GPC5: variants seen among roughly 807,000 people sequenced by gnomAD.
GPC5 encodes the protein glypican-5.
In GPC5, 47 loss-of-function variants were observed where a neutral mutation model predicts 53.9. The observed-to-expected ratio is 0.87, with a 90% CI of 0.69 to 1.11. The LOEUF is 1.11. Among genes scored for constraint, GPC5 ranks in the 50% most tolerant of loss-of-function variants. The pLI is 0.00. For synonymous variants in GPC5, 286 were observed against 263.3 expected (o/e 1.09, Z -0.84); for missense variants, 748 against 713.1 (o/e 1.05, Z -0.56).
chr13:91,626,587 A>T (rs1379005575), intron 2 of GPC5, among the ~76,000 whole-genome samples: 1 of 152,106 alleles, frequency 6.6e-6, no homozygotes, highest in Non-Finnish European at 1.5e-5. Flanking sequence ...CTGGCGGTCG[A>T]TATCACATGA....
intron 7 of GPC5, among the ~76,000 whole-genome samples, chr13:92,789,782 G>T (rs957552384): frequency 6.6e-6 from 1 of 152,098 alleles, no homozygotes; most frequent in Non-Finnish European, 1.5e-5. Context: ...ATGTATATAT[G>T]AAAGGGAATT....
chr13:92,825,404 T>C (rs754814137), intron 7 of GPC5, among the ~76,000 whole-genome samples: 2 of 152,098 alleles, frequency 1.3e-5, no homozygotes, highest in Non-Finnish European at 2.9e-5. Flanking sequence ...ACAAGGGTGG[T>C]ATATAATTTT....
At chr13:92,129,351 A>G (rs1290830691) in intron 6 of GPC5, among the ~76,000 whole-genome samples, 1 of 152,210 alleles carries the variant, frequency 6.6e-6, no homozygotes, top group Non-Finnish European at 1.5e-5. Flanking sequence ...ATTGATAATG[A>G]CTTTCTCCCA....
In GPC5 at chr13:92,229,746, A is replaced by G. The variant is rs149942932; in HGVS notation, c.1561+84757A>G. Among the ~76,000 whole-genome samples the G allele has an allele frequency of 5.1e-3, 773 of 152,008 alleles. 12 individuals carry two copies. The highest frequency in any genetic ancestry group is 0.041 in the South Asian group (199 of 4,826). ...AAAGTTGCTTTTTAATTTTTCAGAG[A>G]TACAGAAAAGTTAATATATAATAAA... is the stretch of plus-strand genomic sequence containing the variant. On this transcript the variant is annotated intron_variant, in intron 7 of 7. Transcript: ENST00000377067.
chr13:91,872,463 T>C (rs1566315189), intron 5 of GPC5, among the ~76,000 whole-genome samples: 1 of 152,294 alleles, frequency 6.6e-6, no homozygotes, highest in East Asian at 1.9e-4. Flanking sequence ...AGGAAACATA[T>C]TCATATGTTG....
chr13:92,125,924 G>GTTTTTTTTT lies in GPC5; in HGVS notation c.1402-18865_1402-18857dup, dbSNP rs1190169532. Among the ~76,000 whole-genome samples the GTTTTTTTTT allele has an allele frequency of 2.5e-4, 19 of 75,858 alleles. 3 individuals are homozygous for GTTTTTTTTT. Among genetic ancestry groups the GTTTTTTTTT allele is most frequent in the African/African-American group, 9.0e-4 (17 of 18,992 alleles). 49.8% of individuals were successfully genotyped at this position (75,858 alleles called of 152,430 possible). A position where few individuals can be genotyped will look rare whatever the true frequency, so the allele number is the denominator to read the frequency against. ...TTAGAAAGGAAACATTTGTTTTTTG[G>GTTTTTTTTT]TTTTTTTTTTTTTTTTTTTTTTTTT... is the stretch of plus-strand genomic sequence containing the variant. On this transcript the variant is annotated intron_variant, in intron 6 of 7. Transcript: ENST00000377067.
chr13:92,107,901 G>C (rs960417091), intron 6 of GPC5, among the ~76,000 whole-genome samples: 1 of 152,188 alleles, frequency 6.6e-6, no homozygotes, highest in African/African-American at 2.4e-5. Flanking sequence ...TGCCTGAGCA[G>C]ATTTGTTCTC....
At chr13:91,517,103 C>T (rs901354484) in intron 2 of GPC5, among the ~76,000 whole-genome samples, 1 of 152,082 alleles carries the variant, frequency 6.6e-6, no homozygotes, top group Non-Finnish European at 1.5e-5. Flanking sequence ...GACATTTTCC[C>T]CATGGTCTTG....
At chr13:91,689,190 T>TATAA (rs1555338029) in intron 2 of GPC5, among the ~76,000 whole-genome samples, 66 of 74,562 alleles carry the variant, frequency 8.9e-4, no homozygotes, top group Non-Finnish European at 1.4e-3. Flanking sequence ...TATAAATATA[T>TATAA]ATATATATAT....
intron 6 of GPC5, among the ~76,000 whole-genome samples, chr13:91,929,725 CT>C (rs1468273485): frequency 6.6e-6 from 1 of 151,952 alleles, no homozygotes; most frequent in Non-Finnish European, 1.5e-5. Context: ...CCTGCTGTTC[CT>C]TTATTCTTTG....
intron 7 of GPC5, among the ~76,000 whole-genome samples, chr13:92,394,186 TG>T (rs1875151670): frequency 6.6e-6 from 1 of 152,148 alleles, no homozygotes; most frequent in Admixed American, 6.5e-5. Context: ...CATCTAAGGG[TG>T]TATAGTATAT....
chr13:91,494,381 C>T (rs967902556), intron 2 of GPC5, among the ~76,000 whole-genome samples: 1 of 149,648 alleles, frequency 6.7e-6, no homozygotes, highest in Admixed American at 6.6e-5. Context: ...TTACTTCTTC[C>T]TATCAGCATA....
intron 7 of GPC5, among the ~76,000 whole-genome samples, chr13:92,596,514 G>T (rs997712531): frequency 2.0e-5 from 3 of 151,486 alleles, no homozygotes; most frequent in South Asian, 2.1e-4. Context: ...TCACTCTGTC[G>T]CCAGGCTGGA....
intron 4 of GPC5, among the ~76,000 whole-genome samples, chr13:91,744,121 A>G (rs904442501): frequency 6.6e-6 from 1 of 152,140 alleles, no homozygotes; most frequent in Non-Finnish European, 1.5e-5. Context: ...ACATTTTCCA[A>G]TTTAAGTTAG....
intron 7 of GPC5, among the ~76,000 whole-genome samples, chr13:92,314,627 G>A (rs2043166591): frequency 6.6e-6 from 1 of 151,548 alleles, no homozygotes; most frequent in African/African-American, 2.4e-5. Context: ...TGTTTCTATA[G>A]GAATGTGAAA....
chr13:92,084,676 G>T (rs527815409), intron 6 of GPC5, among the ~76,000 whole-genome samples: 1 of 152,232 alleles, frequency 6.6e-6, no homozygotes, highest in East Asian at 1.9e-4. Flanking sequence ...TCTACCTTCA[G>T]ATTGTTGTCA....
At chr13:92,034,861 T>C (rs1271089250) in intron 6 of GPC5, among the ~76,000 whole-genome samples, 1 of 152,160 alleles carries the variant, frequency 6.6e-6, no homozygotes, top group African/African-American at 2.4e-5. Context: ...ATGTTACCTC[T>C]GAAGACATGT....
At chr13:92,483,784 GTTTC>G (rs1326040285) in intron 7 of GPC5, among the ~76,000 whole-genome samples, 2 of 148,788 alleles carry the variant, frequency 1.3e-5, no homozygotes, top group Non-Finnish European at 3.0e-5. Context: ...CTTTTATCTA[GTTTC>G]TTTTTTTTTT....
intron 7 of GPC5, among the ~76,000 whole-genome samples, chr13:92,770,148 C>G (rs1005321619): frequency 2.0e-5 from 3 of 152,062 alleles, no homozygotes; most frequent in African/African-American, 7.2e-5. Flanking sequence ...GAGTGTTGGC[C>G]CATGCCTGTA....
Sources: allele counts gnomAD v4.1 joint callset (sites outside exome capture counted in the v4.1 genomes callset), GRCh38; gene constraint gnomAD v4.1.1; transcripts MANE v1.5; gene names NCBI Gene and HGNC (gene_info 2026-07-23, HGNC 2026-07-21).